Variants in CHFR observed in about 807,000 individuals in gnomAD.
CHFR encodes checkpoint with forkhead and ring finger domains, also known as E3 ubiquitin-protein ligase CHFR.
Under a neutral mutation model 87.6 loss-of-function variants are expected in CHFR, and 57 were observed. The observed-to-expected ratio is 0.65, with a 90% CI of 0.53 to 0.81. CHFR has a LOEUF of 0.81. CHFR is among the 30% of genes least tolerant of loss of function. The pLI, the probability that CHFR is intolerant of heterozygous loss-of-function variation, is 0.00. For missense variants in CHFR, 797 were observed against 865.8 expected (o/e 0.92, Z 1.00); for synonymous variants, 381 against 359.2 (o/e 1.06, Z -0.69).
In CHFR at chr12:132,843,098, G is replaced by C. The variant is rs778301903; in HGVS notation, c.1844-15C>G. The C allele has an allele frequency of 6.2e-7, 1 of 1,610,214 alleles. No homozygotes were observed. The highest frequency in any genetic ancestry group is 1.3e-5 in the African/African-American group (1 of 74,880). On this transcript the variant is annotated splice_polypyrimidine_tract_variant and intron_variant, in intron 16 of 17. Transcript: ENST00000450056. ...TGTTACGGCCACTGGAAAAAGAGAA[G>C]GGGTACGCATCTATGAGATGTATTG...
intron 6 of CHFR, among the ~76,000 whole-genome samples, chr12:132,868,270 C>T (rs10870528): frequency 0.13 from 20,219 of 152,190 alleles, 2,657 homozygotes; most frequent in East Asian, 0.46. Flanking sequence ...TCGGACAGAT[C>T]ACGAGGTCAG....
At position 132,837,127 on chromosome 12, in the gene CHFR, G is replaced by T; in HGVS notation, c.*4427C>A. ...GTGGAGAAGCAGAGGAACACCTGAG[G>T]GGCTCCAGGAGAAGCAGGTAGGGAG... On this transcript the variant is annotated 3_prime_UTR_variant, in exon 18 of 18. Coordinates refer to ENST00000450056, the MANE Select transcript of CHFR (RefSeq NM_001161346.2). 1 of 296,442 alleles carries T rather than the reference G, an allele frequency of 3.4e-6. No homozygotes were observed. Among genetic ancestry groups the T allele is most frequent in the Non-Finnish European group, 6.6e-6 (1 of 152,228 alleles). The allele number at this position is 296,442 out of a possible 1,614,324, so 18.4% of individuals were successfully genotyped here. A position where few individuals can be genotyped will look rare whatever the true frequency, so the allele number is the denominator to read the frequency against.
intron 3 of CHFR, among the ~76,000 whole-genome samples, chr12:132,876,484 T>C (rs1951633766): frequency 6.6e-6 from 1 of 152,164 alleles, no homozygotes; most frequent in Non-Finnish European, 1.5e-5. Context: ...CAATCCAAAA[T>C]CTAAACAGTC....
At chr12:132,875,488 C>T (rs941809604) in intron 3 of CHFR, among the ~76,000 whole-genome samples, 8 of 151,820 alleles carry the variant, frequency 5.3e-5, no homozygotes, top group African/African-American at 1.5e-4. Flanking sequence ...CTAGGCGTGG[C>T]GGCGGGCACC....
intron 3 of CHFR, 137 bp downstream of exon 3, chr12:132,877,418 T>C: frequency 1.8e-6 from 1 of 541,736 alleles, no homozygotes; most frequent in Non-Finnish European, 3.3e-6. Flanking sequence ...ACTGTGCTGT[T>C]ATAAAAATGA....
chr12:132,841,492 G>C lies in CHFR; in HGVS notation c.*62C>G. 1 of 1,436,704 alleles carries C rather than the reference G, an allele frequency of 7.0e-7. No homozygotes were observed. The highest frequency in any genetic ancestry group is 9.8e-7 in the Non-Finnish European group (1 of 1,018,664). 89.0% of individuals were successfully genotyped at this position (1,436,704 alleles called of 1,614,324 possible). On this transcript the variant is annotated 3_prime_UTR_variant, in exon 18 of 18. Coordinates refer to ENST00000450056, the MANE Select transcript of CHFR (RefSeq NM_001161346.2). The stretch of plus-strand genomic sequence containing the variant: ...AAAACACCTTGACGTGCTTGTCTCT[G>C]TATTTTAAAAACACGCTCTCTTCAC...
chr12:132,847,730 G>A (rs1010146452), intron 14 of CHFR: 3 of 1,160,352 alleles, frequency 2.6e-6, no homozygotes, highest in Non-Finnish European at 3.2e-6. Flanking sequence ...GAAGAGACAG[G>A]GACCAGAGAA....
intron 3 of CHFR, among the ~76,000 whole-genome samples, chr12:132,877,157 A>G (rs1180252809): frequency 6.6e-6 from 1 of 152,142 alleles, no homozygotes; most frequent in African/African-American, 2.4e-5. Context: ...TTAAAATATC[A>G]TATTTTTACT....
At chr12:132,861,979 A>G in intron 6 of CHFR, 1 of 236,584 alleles carries the variant, frequency 4.2e-6, no homozygotes, top group Admixed American at 4.9e-5. Context: ...AACTTGTTAC[A>G]ACAGAGCTTT....
At chr12:132,887,167 G>C in intron 2 of CHFR, 29 bp downstream of exon 2, 1 of 1,454,246 alleles carries the variant, frequency 6.9e-7, no homozygotes, top group South Asian at 1.3e-5. Context: ...GCCCGGCCCC[G>C]GCCCCCGGCC....
intron 6 of CHFR, among the ~76,000 whole-genome samples, chr12:132,864,915 T>C (rs1463939802): frequency 1.3e-5 from 2 of 152,218 alleles, no homozygotes; most frequent in Admixed American, 6.6e-5. Flanking sequence ...CATTGGTGGA[T>C]AGGAACAGGA....
Position 132,835,813 on chromosome 12 carries a change from C to T in CHFR, c.*5741G>A, listed in dbSNP as rs531117989. On this transcript the variant is annotated 3_prime_UTR_variant, in exon 18 of 18. Coordinates refer to ENST00000450056, the MANE Select transcript of CHFR (RefSeq NM_001161346.2). ...AAATGCATGCTCCCAGCACAGCGCACGGCCCTCACAGTGCCAGGCTCCCAG... is the reference window on the plus strand; with the variant it reads ...AAATGCATGCTCCCAGCACAGCGCATGGCCCTCACAGTGCCAGGCTCCCAG... The T allele has an allele frequency of 3.6e-5, 12 of 335,602 alleles. No individual in the cohort carries two copies. The highest frequency in any genetic ancestry group is 5.2e-5 in the Non-Finnish European group (9 of 174,518). The allele number at this position is 335,602 out of a possible 1,614,324, so 20.8% of individuals were successfully genotyped here. A position where few individuals can be genotyped will look rare whatever the true frequency, so the allele number is the denominator to read the frequency against.
At chr12:132,869,087 G>A (rs1265096473) in intron 6 of CHFR, among the ~76,000 whole-genome samples, 1 of 39,806 alleles carries the variant, frequency 2.5e-5, no homozygotes, top group Non-Finnish European at 4.2e-5. Context: ...TGGTGGGGCC[G>A]AGGGGAAGGG....
intron 15 of CHFR, among the ~76,000 whole-genome samples, chr12:132,846,647 G>C (rs1400807631): frequency 6.6e-6 from 1 of 152,010 alleles, no homozygotes; most frequent in Non-Finnish European, 1.5e-5. Flanking sequence ...TTGGGAAGCT[G>C]AGGTGGGCAG....
intron 11 of CHFR, among the ~76,000 whole-genome samples, chr12:132,853,165 G>A (rs574318146): frequency 6.6e-6 from 1 of 152,282 alleles, no homozygotes; most frequent in South Asian, 2.1e-4. Context: ...CTGGGGAGAG[G>A]CCAAGTATTA....
In CHFR at chr12:132,857,574, G is replaced by C; in HGVS notation, c.912-15C>G. 1 of 1,612,646 alleles carries C rather than the reference G, an allele frequency of 6.2e-7. No individual in the cohort carries two copies. ...AGGGCTGCAAACTGAAAGTGCAAGA[G>C]GAACAGTGTCCAGACAGTCCCACAG... is the stretch of plus-strand genomic sequence containing the variant. On this transcript the variant is annotated splice_polypyrimidine_tract_variant and intron_variant, in intron 8 of 17. Coordinates refer to ENST00000450056, the MANE Select transcript of CHFR (RefSeq NM_001161346.2).
chr12:132,861,504 C>G lies in CHFR; in HGVS notation c.714G>C (p.Gln238His). ...TCTTCTTCACGGGCTCCAAATCCTCCTGATCCTGGGGTTCCAACGACGAAA... is the reference window on the plus strand; with the variant it reads ...TCTTCTTCACGGGCTCCAAATCCTCGTGATCCTGGGGTTCCAACGACGAAA... Reference protein sequence around the residue: ...ASFSSLEPQDQEDLEPVKKKM... With the variant: ...ASFSSLEPQDHEDLEPVKKKM... Residue 238 changes from glutamine (Q) to histidine (H), a missense_variant, in exon 7 of 18, where the codon CAG becomes CAC. By Grantham distance (24) the Gln-to-His change is conservative. Around this residue, in one of 2 missense-constraint regions of CHFR, gnomAD observed 597 missense variants for 601.2 expected, o/e 0.99. Coordinates refer to ENST00000450056, the MANE Select transcript of CHFR (RefSeq NM_001161346.2). 6.2e-7 allele frequency: 1 copy of G among 1,614,234 alleles called. No homozygotes were observed. Among genetic ancestry groups the G allele is most frequent in the Non-Finnish European group, 8.5e-7 (1 of 1,180,036 alleles).
rs565883032 is a variant in CHFR at position 132,863,057 on chromosome 12, C to A, written c.584-1423G>T. On this transcript the variant is annotated intron_variant, in intron 6 of 17. Coordinates refer to ENST00000450056, the MANE Select transcript of CHFR (RefSeq NM_001161346.2). ...GACTACAGGTGCCCGCCACCACGCC[C>A]GGCTAATTTTTTGTATTTTTAGTAG... is the stretch of plus-strand genomic sequence containing the variant. Among the ~76,000 whole-genome samples the A allele has an allele frequency of 5.4e-3, 771 of 141,754 alleles. 1 individual carries two copies. The highest frequency in any genetic ancestry group is 0.012 in the South Asian group (50 of 4,304). 93.0% of individuals were successfully genotyped at this position (141,754 alleles called of 152,430 possible).
chr12:132,876,716 C>T (rs1951638565), intron 3 of CHFR, among the ~76,000 whole-genome samples: 1 of 152,158 alleles, frequency 6.6e-6, no homozygotes, highest in African/African-American at 2.4e-5. Context: ...CACTAAGTGT[C>T]CCATCCTGGA....
Sources: allele counts gnomAD v4.1 joint callset (sites outside exome capture counted in the v4.1 genomes callset), GRCh38; gene constraint gnomAD v4.1.1; regional missense constraint gnomAD v4.1.1; transcripts MANE v1.5; gene names NCBI Gene and HGNC (gene_info 2026-07-23, HGNC 2026-07-21).